Variants in ARID5B observed in about 807,000 individuals in gnomAD.
The protein encoded by ARID5B is AT-rich interaction domain 5B.
In ARID5B, 13 loss-of-function variants were observed where a neutral mutation model predicts 97.2. The ratio of observed to expected loss-of-function variants is 0.13; its 90% CI spans 0.09 to 0.21. ARID5B has a LOEUF of 0.21. Among genes scored for constraint, ARID5B ranks in the 10% least tolerant of loss-of-function variants. ARID5B has a pLI of 1.00. For missense variants in ARID5B, 1,210 were observed against 1,465.3 expected, an observed-to-expected ratio of 0.83 and a Z score of 2.84; for synonymous variants, 556 against 570.3, an observed-to-expected ratio of 0.97 and a Z score of 0.36.
At chr10:61,921,085 CAT>C (rs3051548) in intron 2 of ARID5B, among the ~76,000 whole-genome samples, 40,234 of 152,082 alleles carry the variant, frequency 0.26, 6,332 homozygotes, top group Non-Finnish European at 0.35. Context: ...ATACTTGAAA[CAT>C]ATTTAGCACC....
At chr10:62,081,467 T>G (rs182187658) in intron 8 of ARID5B, among the ~76,000 whole-genome samples, 245 of 152,330 alleles carry the variant, frequency 1.6e-3, no homozygotes, top group Non-Finnish European at 2.6e-3. Flanking sequence ...TAGTGGTTAC[T>G]GGTTCAGATG....
chr10:61,929,776 G>T (rs543406715), intron 2 of ARID5B, among the ~76,000 whole-genome samples: 6 of 152,310 alleles, frequency 3.9e-5, no homozygotes, highest in Admixed American at 2.6e-4. Context: ...ATTTGGTCAC[G>T]TGACTGCACC....
chr10:61,970,936 T>C (rs1838617905), intron 3 of ARID5B, among the ~76,000 whole-genome samples: 1 of 151,752 alleles, frequency 6.6e-6, no homozygotes, highest in African/African-American at 2.4e-5. Flanking sequence ...TGTAAGTAGA[T>C]TGAGAAAAGG....
intron 3 of ARID5B, among the ~76,000 whole-genome samples, chr10:61,976,858 C>CT (rs11332367): frequency 4.0e-4 from 58 of 145,306 alleles, no homozygotes; most frequent in East Asian, 1.8e-3. Flanking sequence ...AACTTTCTTT[C>CT]TTTTTTTTTT....
At chr10:61,937,857 C>G (rs2893880) in intron 2 of ARID5B, among the ~76,000 whole-genome samples, 104,744 of 152,000 alleles carry the variant, frequency 0.69, 36,250 homozygotes, top group Non-Finnish European at 0.71. Context: ...ATGTTGGCTA[C>G]TTTTTGTTTT....
chr10:62,085,301 A>G (rs1157481363), intron 8 of ARID5B, among the ~76,000 whole-genome samples: 1 of 152,244 alleles, frequency 6.6e-6, no homozygotes, highest in African/African-American at 2.4e-5. Flanking sequence ...GCTGTGTCTC[A>G]GTGCCTAGAA....
At chr10:61,977,210 G>A (rs1319275592) in intron 3 of ARID5B, among the ~76,000 whole-genome samples, 1 of 152,192 alleles carries the variant, frequency 6.6e-6, no homozygotes, top group Non-Finnish European at 1.5e-5. Flanking sequence ...TGGCTGCATA[G>A]TATTCCATGG....
intron 4 of ARID5B, among the ~76,000 whole-genome samples, chr10:62,037,089 G>T (rs146695274): frequency 9.8e-5 from 15 of 152,288 alleles, no homozygotes; most frequent in African/African-American, 3.4e-4. Context: ...ACTAGCCCTT[G>T]AATCTAGACT....
At chr10:62,035,265 C>T (rs1046284755) in intron 4 of ARID5B, among the ~76,000 whole-genome samples, 7 of 152,166 alleles carry the variant, frequency 4.6e-5, no homozygotes, top group Non-Finnish European at 1.5e-5. Flanking sequence ...GTTTAACAAA[C>T]ATTTACCAGA....
At chr10:62,076,137 C>G (rs550615589) in intron 8 of ARID5B, among the ~76,000 whole-genome samples, 1 of 152,122 alleles carries the variant, frequency 6.6e-6, no homozygotes, top group Admixed American at 6.6e-5. Context: ...GTATGGCATC[C>G]CCAGGGAGCC....
chr10:62,031,311 A>G (rs1839494959), intron 4 of ARID5B, among the ~76,000 whole-genome samples: 1 of 152,252 alleles, frequency 6.6e-6, no homozygotes. Context: ...ACAGACAAAG[A>G]GGAAGAAAAG....
intron 3 of ARID5B, among the ~76,000 whole-genome samples, chr10:61,978,074 A>T (rs991531780): frequency 6.6e-6 from 1 of 152,250 alleles, no homozygotes; most frequent in Non-Finnish European, 1.5e-5. Context: ...AGCTTTCTAC[A>T]TATGGCTGGC....
At chr10:61,957,283 T>G (rs973507364) in intron 3 of ARID5B, among the ~76,000 whole-genome samples, 3 of 152,262 alleles carry the variant, frequency 2.0e-5, no homozygotes, top group Non-Finnish European at 4.4e-5. Context: ...TTGTTGTTGT[T>G]GTTGAGACGG....
chr10:61,991,682 C>T (rs1589249312), intron 3 of ARID5B, among the ~76,000 whole-genome samples: 1 of 152,072 alleles, frequency 6.6e-6, no homozygotes, highest in Admixed American at 6.6e-5. Context: ...TTGATGAAGT[C>T]CAGTTGTCTA....
chr10:62,045,658 C>G (rs1451815736), intron 4 of ARID5B, among the ~76,000 whole-genome samples: 1 of 152,054 alleles, frequency 6.6e-6, no homozygotes, highest in Non-Finnish European at 1.5e-5. Context: ...ACTATGTTAA[C>G]CAGGCTGGTC....
chr10:61,910,906 C>T (rs1187045031), intron 2 of ARID5B, among the ~76,000 whole-genome samples: 1 of 152,210 alleles, frequency 6.6e-6, no homozygotes, highest in Non-Finnish European at 1.5e-5. Flanking sequence ...GTGTCCTTGG[C>T]ATATGACCAT....
chr10:62,019,331 G>A (rs2132889038), intron 4 of ARID5B, among the ~76,000 whole-genome samples: 1 of 152,098 alleles, frequency 6.6e-6, no homozygotes, highest in East Asian at 1.9e-4. Flanking sequence ...ATGCTTCTTG[G>A]TGCCTGCATA....
chr10:61,988,063 G>C (rs1838870727), intron 3 of ARID5B, among the ~76,000 whole-genome samples: 1 of 152,148 alleles, frequency 6.6e-6, no homozygotes, highest in Non-Finnish European at 1.5e-5. Flanking sequence ...TACTAACCCT[G>C]TACAAAAAGG....
At chr10:61,913,938 A>G (rs1380129846) in intron 2 of ARID5B, among the ~76,000 whole-genome samples, 1 of 151,994 alleles carries the variant, frequency 6.6e-6, no homozygotes, top group Non-Finnish European at 1.5e-5. Context: ...TTTAATAGAG[A>G]CGGGGTTTCT....
Sources: gnomAD v4.1 joint callset for allele counts (sites outside exome capture counted in the v4.1 genomes callset) on GRCh38, gnomAD v4.1.1 for gene constraint, MANE v1.5 for transcripts, NCBI Gene and HGNC (gene_info 2026-07-23, HGNC 2026-07-21) for gene names.